CDH5: variants seen among roughly 807,000 people sequenced by gnomAD.
CDH5 encodes the protein cadherin 5.
CDH5 carries 28 observed loss-of-function variants against 62.0 expected under a neutral mutation model. That is an observed-to-expected ratio of 0.45 (90% CI 0.33 to 0.62). The LOEUF is 0.62. CDH5 is among the 20% of genes least tolerant of loss of function. CDH5 has a pLI of 0.02. For synonymous variants in CDH5, 464 were observed against 445.8 expected (o/e 1.04, Z -0.52); for missense variants, 940 against 1,065.1 (o/e 0.88, Z 1.63).
chr16:66,397,575 TG>T (rs1247618613), intron 8 of CDH5, among the ~76,000 whole-genome samples: 3 of 152,188 alleles, frequency 2.0e-5, no homozygotes, highest in African/African-American at 7.2e-5. Context: ...GCATTGTCAG[TG>T]GCCATCCATT....
intron 1 of CDH5, among the ~76,000 whole-genome samples, chr16:66,374,223 G>A (rs566169814): frequency 1.4e-4 from 21 of 152,272 alleles, no homozygotes; most frequent in East Asian, 7.7e-4. Context: ...CTCCTCCACC[G>A]TCCCAGGCGA....
Position 66,371,877 on chromosome 16 carries a change from G to T in CDH5, c.-20+5119G>T, listed in dbSNP as rs889572179. Among the ~76,000 whole-genome samples the T allele has an allele frequency of 4.6e-5, 7 of 152,110 alleles. 1 individual carries two copies. Among genetic ancestry groups the T allele is most frequent in the African/African-American group, 1.7e-4 (7 of 41,416 alleles). On this transcript the variant is annotated intron_variant, in intron 1 of 11. Transcript: ENST00000341529. The stretch of plus-strand genomic sequence containing the variant: ...GTCTTATTTAGCTACAAAGCCAGGG[G>T]TCCCAGGCAGTCCCAAGAAAAGCAG...
At position 66,390,443 on chromosome 16, in the gene CDH5, C is replaced by T. The variant is rs776761384; in HGVS notation, c.822C>T (p.Gly274=). 1 of 1,614,066 alleles carries T rather than the reference C, an allele frequency of 6.2e-7. No individual in the cohort carries two copies. The highest frequency in any genetic ancestry group is 1.7e-5 in the Admixed American group (1 of 60,018). Residue 274 remains glycine, a synonymous_variant, in exon 6 of 12, where the codon GGC becomes GGT. Coordinates refer to ENST00000341529, the MANE Select transcript of CDH5 (RefSeq NM_001795.5). ...TCGTGCCTGAAGACACCCGTGTGGG[C>T]ACCTCTGTGGGCTCTCTGTTTGTTG... ...TFVVPEDTRV[G]TSVGSLFVED...
At position 66,390,521 on chromosome 16, in the gene CDH5, C is replaced by A. The variant is rs145900523; in HGVS notation, c.900C>A (p.Gly300=). ...NRMTKYSILR[G]DYQDAFTIET... ...TGACCAAGTACAGCATCTTGCGGGG[C>A]GACTACCAGGACGCTTTCACCATTG... The change falls in exon 6 of 12, where the codon GGC becomes GGA. Residue 300 remains glycine, a synonymous_variant. Coordinates refer to ENST00000341529, the MANE Select transcript of CDH5 (RefSeq NM_001795.5). 6.2e-7 allele frequency: 1 copy of A among 1,614,088 alleles called. No homozygotes were observed. Among genetic ancestry groups the A allele is most frequent in the Non-Finnish European group, 8.5e-7 (1 of 1,180,010 alleles).
rs140269853 is a variant in CDH5 at position 66,400,873 on chromosome 16, G to T, written c.1694G>T (p.Arg565Leu). 65 of 1,614,168 alleles carry T rather than the reference G, an allele frequency of 4.0e-5. No individual in the cohort carries two copies. Among genetic ancestry groups the T allele is most frequent in the Admixed American group, 1.0e-4 (6 of 60,028 alleles). ...ATCTCAGACAATGGGATGCCAAGTC[G>T]CACGGGCACCAGCACGCTGACCGTG... ...VVISDNGMPS[R>L]TGTSTLTVAV... Residue 565 changes from arginine to leucine, a missense_variant, in exon 11 of 12, where the codon CGC (arginine) becomes CTC (leucine). Coordinates refer to ENST00000341529, the MANE Select transcript of CDH5 (RefSeq NM_001795.5).
At chr16:66,366,854 T>C (rs1404122140) in intron 1 of CDH5, 96 bp downstream of exon 1, 1 of 152,264 alleles carries the variant, frequency 6.6e-6, no homozygotes, top group Admixed American at 6.5e-5. Context: ...AGAATGGGCA[T>C]CGTCCCACTC....
rs140393188 is a variant in CDH5, at chr16:66,398,456, C to G, written c.1486C>G (p.Leu496Val). 5 of 1,589,584 alleles carry G rather than the reference C, an allele frequency of 3.1e-6. No homozygotes were observed. In the African/African-American group the frequency reaches 6.7e-5, roughly 21 times the overall value. Residue 496 changes from leucine to valine, a missense_variant and splice_region_variant, in exon 10 of 12, where the codon CTG becomes GTG. Physicochemically the swap from Leu to Val is conservative, Grantham distance 32 (BLOSUM62 1). Coordinates refer to ENST00000341529, the MANE Select transcript of CDH5 (RefSeq NM_001795.5). The part of the protein sequence containing the change: ...KVCENAVHGQ[L>V]VLQISAIDKD... ...CCATCTCCTGTCTTCCACACTCCAG[C>G]TGGTCCTGCAGATCTCCGCAATAGA...
rs1005002664 is a variant in CDH5 at position 66,379,278 on chromosome 16, C to T, written c.-19-41C>T. ...ACCTGTGTCTAAGTACTCCTTTCAT[C>T]GTCACTGGCCAGAGTCTGAATGTGT... On this transcript the variant is annotated intron_variant, in intron 1 of 11. Transcript: ENST00000341529. The T allele has an allele frequency of 1.5e-5, 22 of 1,444,866 alleles. No individual in the cohort carries two copies. In the East Asian group the frequency reaches 1.8e-4, roughly 12 times the overall value. The allele number at this position is 1,444,866 out of a possible 1,614,324, so 89.5% of individuals were successfully genotyped here. A position where few individuals can be genotyped will look rare whatever the true frequency, so the allele number is the denominator to read the frequency against.
At chr16:66,382,392 G>A (rs998842724) in intron 2 of CDH5, among the ~76,000 whole-genome samples, 1 of 152,130 alleles carries the variant, frequency 6.6e-6, no homozygotes, top group African/African-American at 2.4e-5. Flanking sequence ...AGGAGACCAG[G>A]ACAGAGCCCC....
chr16:66,384,078 C>CTTTTTTT lies in CDH5; in HGVS notation c.211-2713_211-2707dup, dbSNP rs35435487. ...CTTGAGTTCTCTGGAGGAGTCCAGC[C>CTTTTTTT]TTTTTTTTTTTTTTTTTTTTTTTTG... is the stretch of plus-strand genomic sequence containing the variant. On this transcript the variant is annotated intron_variant, in intron 2 of 11. Coordinates refer to ENST00000341529, the MANE Select transcript of CDH5 (RefSeq NM_001795.5). Among the ~76,000 whole-genome samples the CTTTTTTT allele has an allele frequency of 1.4e-3, 100 of 71,354 alleles. 1 individual carries two copies. The highest frequency in any genetic ancestry group is 1.7e-3 in the East Asian group (4 of 2,334). 46.8% of individuals were successfully genotyped at this position (71,354 alleles called of 152,430 possible).
In CDH5 at chr16:66,402,788, C is replaced by T. The variant is rs764686492; in HGVS notation, c.1974C>T (p.Tyr658=). 8.7e-6 allele frequency: 14 copies of T among 1,605,856 alleles called. No homozygotes were observed. The highest frequency in any genetic ancestry group is 9.3e-6 in the Non-Finnish European group (11 of 1,177,110). ...GCGGCGAGATGGACACCACCAGCTA[C>T]GATGTGTCGGTGCTCAACTCGGTGC... is the stretch of plus-strand genomic sequence containing the variant. The part of the protein sequence containing the change: ...EGGGEMDTTS[Y]DVSVLNSVRR... Residue 658 remains tyrosine, a synonymous_variant, in exon 12 of 12, where the codon TAC becomes TAT. Transcript: ENST00000341529.
At chr16:66,400,675 G>C in intron 10 of CDH5, 96 bp from the exon 11 acceptor site, 2 of 1,457,500 alleles carry the variant, frequency 1.4e-6, no homozygotes, top group Middle Eastern at 1.9e-4. Context: ...CAGGGAGCAC[G>C]CAGGCTGGTG....
chr16:66,371,837 GTCCAGACTTCC>G (rs1307824855), intron 1 of CDH5, among the ~76,000 whole-genome samples: 1 of 73,926 alleles, frequency 1.4e-5, no homozygotes, highest in East Asian at 3.1e-4. Flanking sequence ...CCCCAGCTGG[GTCCAGACTTCC>G]TATGTCTTAT....
chr16:66,391,621 A>G (rs1961085404), intron 6 of CDH5, among the ~76,000 whole-genome samples: 1 of 152,076 alleles, frequency 6.6e-6, no homozygotes, highest in Admixed American at 6.5e-5. Flanking sequence ...AAAAATACCA[A>G]AATTAGCTGG....
intron 2 of CDH5, among the ~76,000 whole-genome samples, chr16:66,380,199 T>G (rs912527855): frequency 6.0e-5 from 7 of 116,938 alleles, no homozygotes; most frequent in Non-Finnish European, 1.2e-4. Context: ...GGGTAGGTGG[T>G]GGTGGTGATC....
At position 66,403,119 on chromosome 16, in the gene CDH5, A is replaced by G. The variant is rs140804041; in HGVS notation, c.2305A>G (p.Met769Val). ...FLNDWGPRFKMLAELYGSDPR... is the reference protein window; with the variant it reads ...FLNDWGPRFKVLAELYGSDPR... ...TAACGACTGGGGACCCAGGTTTAAG[A>G]TGCTGGCTGAGCTGTACGGCTCGGA... The change falls in exon 12 of 12, where the codon ATG (methionine) becomes GTG (valine). Residue 769 changes from methionine (M) to valine (V), a missense_variant. Met to Val is a conservative substitution (Grantham distance 21). Coordinates refer to ENST00000341529, the MANE Select transcript of CDH5 (RefSeq NM_001795.5). This position sits in a 1 kb window ranked among gnomAD's most constrained non-coding sequence, Gnocchi z 4.3. The G allele has an allele frequency of 1.2e-4, 194 of 1,613,500 alleles. No individual in the cohort carries two copies. Among genetic ancestry groups the G allele is most frequent in the Non-Finnish European group, 1.5e-4 (180 of 1,179,942 alleles).
intron 11 of CDH5, 44 bp from the exon 12 acceptor site, chr16:66,402,608 C>G: frequency 6.7e-7 from 1 of 1,495,462 alleles, no homozygotes; most frequent in Non-Finnish European, 8.9e-7. Context: ...GCCGCCCAGG[C>G]CCCCAGCCTT....
At position 66,379,350 on chromosome 16, in the gene CDH5, A is replaced by G. The variant is rs779850140; in HGVS notation, c.13A>G (p.Met5Val). Residue 5 changes from methionine (M) to valine (V), a missense_variant, in exon 2 of 12, where the codon ATG becomes GTG. Physicochemically the swap from Met to Val is conservative, Grantham distance 21. Coordinates refer to ENST00000341529, the MANE Select transcript of CDH5 (RefSeq NM_001795.5). Reference sequence around the variant, plus strand: ...TCCTCCTGGGAAGATGCAGAGGCTCATGATGCTCCTCGCCACATCGGGCGC... The same window carrying G: ...TCCTCCTGGGAAGATGCAGAGGCTCGTGATGCTCCTCGCCACATCGGGCGC... MQRL[M>V]MLLATSGACL... is the part of the protein sequence containing the mutation. 1.2e-6 allele frequency: 2 copies of G among 1,610,772 alleles called. No individual in the cohort carries two copies. Among genetic ancestry groups the G allele is most frequent in the Admixed American group, 3.3e-5 (2 of 59,926 alleles).
intron 11 of CDH5, among the ~76,000 whole-genome samples, chr16:66,402,135 A>C (rs1961293558): frequency 6.6e-6 from 1 of 152,042 alleles, no homozygotes; most frequent in African/African-American, 2.4e-5. Flanking sequence ...AGACAAGGAA[A>C]CTGAGGCTGG....
Sources: allele counts gnomAD v4.1 joint callset (sites outside exome capture counted in the v4.1 genomes callset), GRCh38; gene constraint gnomAD v4.1.1; non-coding constraint Gnocchi (gnomAD v3.1); transcripts MANE v1.5; gene names NCBI Gene and HGNC (gene_info 2026-07-23, HGNC 2026-07-21).